The following ANO3 variants were observed in gnomAD, a reference collection of about 807,000 sequenced individuals.
ANO3 encodes anoctamin-3.
In ANO3, 99 loss-of-function variants were observed where a neutral mutation model predicts 144.8. The ratio of observed to expected loss-of-function variants is 0.68; its 90% CI spans 0.58 to 0.81. ANO3 has a LOEUF of 0.81. Among genes scored for constraint, ANO3 ranks in the 30% least tolerant of loss-of-function variants. The pLI is 0.00. For missense variants in ANO3, 905 were observed against 1,202.2 expected, an observed-to-expected ratio of 0.75 and a Z score of 3.66; for synonymous variants, 414 against 392.6, an observed-to-expected ratio of 1.05 and a Z score of -0.64.
chr11:26,231,554 T>C (rs926827932), intron 1 of ANO3, among the ~76,000 whole-genome samples: 3 of 152,210 alleles, frequency 2.0e-5, no homozygotes, highest in Admixed American at 2.0e-4. Flanking sequence ...CAAACTTAGA[T>C]GTGTAATAGG....
chr11:26,628,108 T>C (rs926351036), intron 18 of ANO3, among the ~76,000 whole-genome samples: 2 of 152,178 alleles, frequency 1.3e-5, no homozygotes, highest in Non-Finnish European at 1.5e-5. Flanking sequence ...AAGTGATTTT[T>C]TGAACTTTGG....
intron 1 of ANO3, among the ~76,000 whole-genome samples, chr11:26,343,466 A>G (rs1268741316): frequency 5.9e-5 from 9 of 152,304 alleles, no homozygotes; most frequent in African/African-American, 2.2e-4. Flanking sequence ...GGGGTCCTCC[A>G]TAATGCTTTT....
intron 5 of ANO3, among the ~76,000 whole-genome samples, chr11:26,509,312 C>CTT (rs555426180): frequency 5.3e-5 from 8 of 151,742 alleles, no homozygotes; most frequent in Non-Finnish European, 8.8e-5. Flanking sequence ...ACCTAAGTTA[C>CTT]TTTTTTTCTT....
At position 26,662,320 on chromosome 11, in the gene ANO3, C is replaced by CA. The variant is rs959314056; in HGVS notation, c.*1876_*1877insA. 2.0e-5 allele frequency: 3 copies of CA among 151,984 alleles called. No individual in the cohort carries two copies. Among genetic ancestry groups the CA allele is most frequent in the African/African-American group, 4.8e-5 (2 of 41,448 alleles). The allele number at this position is 151,984 out of a possible 1,614,324, so 9.4% of individuals were successfully genotyped here. ...TCCAGAGAGGTTCTCATGCTCCCCC[C>CA]CCTCCTTATTTGTAGCAATCGTAGC... On this transcript the variant is annotated 3_prime_UTR_variant, in exon 27 of 27. Transcript: ENST00000256737.
intron 17 of ANO3, among the ~76,000 whole-genome samples, chr11:26,611,868 T>G (rs1852108579): frequency 6.7e-6 from 1 of 150,034 alleles, no homozygotes; most frequent in Admixed American, 6.7e-5. Flanking sequence ...AATTTTTTTT[T>G]GTCTTTTTAC....
At chr11:26,231,275 G>A (rs910457158) in intron 1 of ANO3, among the ~76,000 whole-genome samples, 3 of 152,154 alleles carry the variant, frequency 2.0e-5, no homozygotes, top group African/African-American at 4.8e-5. Context: ...TTGGCCTATG[G>A]TCAGGACCAT....
intron 2 of ANO3, 89 bp from the exon 3 acceptor site, chr11:26,443,676 G>T: frequency 1.7e-6 from 1 of 591,444 alleles, no homozygotes. Flanking sequence ...ATCATGTTTG[G>T]CCATCATTTG....
In ANO3 at chr11:26,210,041, T is replaced by C. The variant is rs1294691819; in HGVS notation, c.154+20711T>C. 2.6e-5 allele frequency among the ~76,000 whole-genome samples: 4 copies of C among 152,228 alleles called. No homozygotes were observed. The South Asian group carries it at 6.2e-4, about 24-fold the overall frequency. ...TTTGTTGCAATCGCTTTTGGTGTTT[T>C]AGTCATGAATTCTTTGCCCATGCCT... On this transcript the variant is annotated intron_variant, in intron 1 of 27. Coordinates refer to the ANO3 transcript ENST00000672621.
At chr11:26,377,510 T>C (rs1345623518) in intron 1 of ANO3, among the ~76,000 whole-genome samples, 1 of 151,652 alleles carries the variant, frequency 6.6e-6, no homozygotes, top group Non-Finnish European at 1.5e-5. Context: ...AAACGCAAAA[T>C]ATAACAGAAA....
Position 26,283,317 on chromosome 11 carries a change from AATAAATATATATATATATATATAT to A in ANO3, c.155-26324_155-26301del, listed in dbSNP as rs1168281501. ...CATATCTTACCAAAATAAACAAATA[AATAAATATATATATATATATATAT>A]ATATATATATATATATATATATATA... is the stretch of plus-strand genomic sequence containing the variant. On this transcript the variant is annotated intron_variant, in intron 1 of 27. Coordinates refer to the ANO3 transcript ENST00000672621. Among the ~76,000 whole-genome samples, 41 of 77,590 alleles carry A rather than the reference AATAAATATATATATATATATATAT, an allele frequency of 5.3e-4. 4 individuals are homozygous for A. Among genetic ancestry groups the A allele is most frequent in the Admixed American group, 1.9e-3 (10 of 5,252 alleles). The allele number at this position is 77,590 out of a possible 152,430, so 50.9% of individuals were successfully genotyped here. A position where few individuals can be genotyped will look rare whatever the true frequency, so the allele number is the denominator to read the frequency against.
intron 17 of ANO3, among the ~76,000 whole-genome samples, chr11:26,609,102 G>A (rs577660188): frequency 6.6e-6 from 1 of 152,292 alleles, no homozygotes; most frequent in African/African-American, 2.4e-5. Context: ...TCCATGGGTT[G>A]CAATAGTTCC....
chr11:26,483,703 A>G lies in ANO3; in HGVS notation c.432+20555A>G, dbSNP rs181171777. 3.1e-3 allele frequency among the ~76,000 whole-genome samples: 472 copies of G among 152,326 alleles called. 1 individual carries two copies. Among genetic ancestry groups the G allele is most frequent in the Non-Finnish European group, 4.4e-3 (297 of 68,034 alleles). ...CTTTATAGCAATGCAAGAATGAACT[A>G]ATACAGAAAATTGGTGCTGGGAGGT... On this transcript the variant is annotated intron_variant, in intron 4 of 26. Transcript: ENST00000256737.
chr11:26,561,557 C>G (rs559861261), intron 14 of ANO3, among the ~76,000 whole-genome samples: 1 of 151,484 alleles, frequency 6.6e-6, no homozygotes, highest in African/African-American at 2.4e-5. Flanking sequence ...GATTTCAAAG[C>G]CTTGTCAACA....
intron 3 of ANO3, among the ~76,000 whole-genome samples, chr11:26,451,419 C>T (rs189815941): frequency 1.6e-4 from 25 of 152,348 alleles, no homozygotes; most frequent in Non-Finnish European, 2.8e-4. Flanking sequence ...AAAAACGGCA[C>T]ACCAGGAGAT....
chr11:26,443,824 G>T lies in ANO3; in HGVS notation c.301G>T (p.Asp101Tyr). ...GAGATGTTCATTTGCTGACCTCAGC[G>T]ATTTTTGTTTGGGTAAGTTGATAAT... ...VLRCSFADLS[D>Y]FCLALGKDKD... The change falls in exon 3 of 27, where the codon GAT becomes TAT. Residue 101 changes from aspartate to tyrosine, a missense_variant. Coordinates refer to ENST00000256737, the MANE Select transcript of ANO3 (RefSeq NM_031418.4). 2 of 1,611,614 alleles carry T rather than the reference G, an allele frequency of 1.2e-6. No homozygotes were observed. Among genetic ancestry groups the T allele is most frequent in the Middle Eastern group, 1.7e-4 (1 of 6,054 alleles).
At chr11:26,331,634 G>A (rs1171090258), upstream of ANO3, 3 of 152,190 alleles carry the variant, frequency 2.0e-5, no homozygotes, top group African/African-American at 7.2e-5. Flanking sequence ...ATGATTCAAG[G>A]CCTGAATGGC....
At chr11:26,309,888 A>G (rs1236723313) in intron 1 of ANO3, among the ~76,000 whole-genome samples, 1 of 152,194 alleles carries the variant, frequency 6.6e-6, no homozygotes, top group Non-Finnish European at 1.5e-5. Context: ...TTTGCAAAGC[A>G]TATTCACATA....
chr11:26,341,040 C>CCTTCT (rs996937067), intron 1 of ANO3, among the ~76,000 whole-genome samples: 2 of 151,920 alleles, frequency 1.3e-5, no homozygotes, highest in African/African-American at 4.8e-5. Flanking sequence ...AAGTTAGTTT[C>CCTTCT]CTTCTCTTCT....
At chr11:26,249,031 A>G (rs1305376075) in intron 1 of ANO3, among the ~76,000 whole-genome samples, 1 of 152,186 alleles carries the variant, frequency 6.6e-6, no homozygotes, top group African/African-American at 2.4e-5. Flanking sequence ...CCCTGGTGTC[A>G]AAAAGGTTGG....
Sources: allele counts gnomAD v4.1 joint callset (sites outside exome capture counted in the v4.1 genomes callset), GRCh38; gene constraint gnomAD v4.1.1; transcripts MANE v1.5; gene names NCBI Gene and HGNC (gene_info 2026-07-23, HGNC 2026-07-21).